NCKAP1: variants seen among roughly 807,000 people sequenced by gnomAD.
The protein encoded by NCKAP1 is NCK associated protein 1, also known as nck-associated protein 1.
A neutral mutation model predicts 151.2 loss-of-function variants in NCKAP1; 21 were observed. That is an observed-to-expected ratio of 0.14 (90% CI 0.10 to 0.20). The LOEUF (loss-of-function observed/expected upper bound fraction) is 0.20, where lower values mean the gene tolerates loss of function less well. NCKAP1 is among the 10% of genes least tolerant of loss of function. NCKAP1 has a pLI of 1.00. For missense variants in NCKAP1, 933 were observed against 1,352.1 expected (o/e 0.69, Z 4.86); for synonymous variants, 484 against 451.8 (o/e 1.07, Z -0.90).
In NCKAP1 at chr2:182,953,343, G is replaced by T; in HGVS notation, c.2154-12C>A. 6.3e-7 allele frequency: 1 copy of T among 1,575,188 alleles called. No homozygotes were observed. The highest frequency in any genetic ancestry group is 1.2e-5 in the South Asian group (1 of 86,754). ...TCCCAACAATTGACCTGGGAAGAAG[G>T]GATAGAAGAATAAGAAAAGCCTCTG... On this transcript the variant is annotated splice_polypyrimidine_tract_variant and intron_variant, in intron 20 of 30. Transcript: ENST00000361354.
intron 4 of NCKAP1, among the ~76,000 whole-genome samples, chr2:183,002,570 G>C (rs143864155): frequency 6.6e-6 from 1 of 151,754 alleles, no homozygotes; most frequent in African/African-American, 2.4e-5. Flanking sequence ...CCAATCTCAC[G>C]AAAGAGGAAA....
intron 15 of NCKAP1, among the ~76,000 whole-genome samples, chr2:182,968,568 C>G (rs1048749190): frequency 7.9e-5 from 12 of 152,124 alleles, no homozygotes; most frequent in African/African-American, 2.9e-4. Flanking sequence ...ATGCTTACAG[C>G]TGATGATAAA....
intron 2 of NCKAP1, among the ~76,000 whole-genome samples, chr2:183,010,952 T>A (rs1698580175): frequency 6.6e-6 from 1 of 152,202 alleles, no homozygotes; most frequent in Non-Finnish European, 1.5e-5. Context: ...CAGGCATAAA[T>A]CAAGCTTTTC....
At chr2:183,016,415 AAG>A (rs1304143156) in intron 2 of NCKAP1, among the ~76,000 whole-genome samples, 2 of 152,348 alleles carry the variant, frequency 1.3e-5, no homozygotes, top group South Asian at 2.1e-4. Flanking sequence ...TTACATGTCT[AAG>A]AGTCATTAAC....
At chr2:182,951,654 A>AC (rs1162699835) in intron 23 of NCKAP1, among the ~76,000 whole-genome samples, 3 of 147,328 alleles carry the variant, frequency 2.0e-5, no homozygotes, top group Non-Finnish European at 4.5e-5. Flanking sequence ...AAAAAAAAAC[A>AC]AACAAACAAA....
chr2:182,967,061 T>C (rs1347334823), intron 16 of NCKAP1, among the ~76,000 whole-genome samples, 155 bp downstream of exon 16: 1 of 152,250 alleles, frequency 6.6e-6, no homozygotes, highest in Non-Finnish European at 1.5e-5. Flanking sequence ...AACTTCTTTT[T>C]GTTGGCACAT....
chr2:182,959,194 A>G (rs529007406), intron 18 of NCKAP1, among the ~76,000 whole-genome samples: 7 of 152,320 alleles, frequency 4.6e-5, no homozygotes, highest in African/African-American at 1.4e-4. Flanking sequence ...AAGAAATTAC[A>G]TTGCATTTCT....
rs1696835811 is a variant in NCKAP1 at position 182,934,640 on chromosome 2, C to T, written c.2859+112G>A. 7.8e-6 allele frequency: 5 copies of T among 641,074 alleles called. No individual in the cohort carries two copies. The East Asian group carries it at 1.6e-4, about 20-fold the overall frequency. The allele number at this position is 641,074 out of a possible 1,614,324, so 39.7% of individuals were successfully genotyped here. A position where few individuals can be genotyped will look rare whatever the true frequency, so the allele number is the denominator to read the frequency against. On this transcript the variant is annotated intron_variant, in intron 26 of 30. Coordinates refer to ENST00000361354, the MANE Select transcript of NCKAP1 (RefSeq NM_013436.5). The stretch of plus-strand genomic sequence containing the variant: ...CAAAGGCAAGCATGCTAACTAACCA[C>T]TCTAAACTAGAAACCTTACAGTAGT...
intron 14 of NCKAP1, among the ~76,000 whole-genome samples, chr2:182,977,543 A>G (rs992863552): frequency 2.6e-5 from 4 of 152,090 alleles, no homozygotes; most frequent in African/African-American, 9.7e-5. Context: ...AAAGAAAGGA[A>G]ATTCTGACAC....
rs960134695 is a variant in NCKAP1 at position 182,919,472 on chromosome 2, G to A, written c.*6230C>T. ...ATCAATGACCATGTGACTAACGTAA[G>A]TTATGGTCATACCTAATTAGTATGA... is the stretch of plus-strand genomic sequence containing the variant. On this transcript the variant is annotated 3_prime_UTR_variant, in exon 31 of 31. Transcript: ENST00000361354. 1 of 152,190 alleles carries A rather than the reference G, an allele frequency of 6.6e-6. No homozygotes were observed. The highest frequency in any genetic ancestry group is 6.5e-5 in the Admixed American group (1 of 15,276). The allele number at this position is 152,190 out of a possible 1,614,324, so 9.4% of individuals were successfully genotyped here.
chr2:182,946,595 G>T (rs1697111559), intron 23 of NCKAP1, among the ~76,000 whole-genome samples: 1 of 149,488 alleles, frequency 6.7e-6, no homozygotes, highest in Non-Finnish European at 1.5e-5. Context: ...TAAAATAGAA[G>T]TTGGAAAGAA....
In NCKAP1 at chr2:182,995,716, T is replaced by C. The variant is rs1698255465; in HGVS notation, c.726A>G (p.Pro242=). 6.2e-7 allele frequency: 1 copy of C among 1,613,936 alleles called. No homozygotes were observed. Among genetic ancestry groups the C allele is most frequent in the Admixed American group, 1.7e-5 (1 of 60,000 alleles). Reference sequence around the variant, plus strand: ...AGAACCATACAGTGTCGGACTGTGCTGGATTAAGCATTGTACTAGGTGCAC... The same window carrying C: ...AGAACCATACAGTGTCGGACTGTGCCGGATTAAGCATTGTACTAGGTGCAC... ...LISAPSTMLN[P]AQSDTMPCEY... is the part of the protein sequence containing the mutation. Residue 242 remains proline (P), a synonymous_variant, in exon 7 of 31, where the codon CCA becomes CCG. Transcript: ENST00000361354.
At chr2:183,032,834 C>T (rs1226682256) in intron 1 of NCKAP1, among the ~76,000 whole-genome samples, 1 of 152,010 alleles carries the variant, frequency 6.6e-6, no homozygotes, top group East Asian at 1.9e-4. Context: ...ATTGCTCGAC[C>T]CCAGGAGACA....
intron 7 of NCKAP1, 73 bp from the exon 8 acceptor site, chr2:182,994,960 C>T: frequency 8.4e-7 from 1 of 1,196,904 alleles, no homozygotes; most frequent in Non-Finnish European, 1.2e-6. Context: ...CCACTCTCCT[C>T]CCTTTCTCCT....
At chr2:182,986,782 T>A (rs887506085) in intron 9 of NCKAP1, among the ~76,000 whole-genome samples, 6 of 152,232 alleles carry the variant, frequency 3.9e-5, no homozygotes, top group South Asian at 4.2e-4. Context: ...TGTATTTTTT[T>A]AAAAAAACTT....
chr2:182,983,884 A>G (rs1194938280), intron 10 of NCKAP1, among the ~76,000 whole-genome samples: 2 of 151,910 alleles, frequency 1.3e-5, no homozygotes, highest in Admixed American at 6.6e-5. Flanking sequence ...AATACAAAAC[A>G]TTAGCCAGGT....
At chr2:182,934,095 A>C (rs1301942747) in intron 26 of NCKAP1, among the ~76,000 whole-genome samples, 1 of 152,038 alleles carries the variant, frequency 6.6e-6, no homozygotes, top group African/African-American at 2.4e-5. Flanking sequence ...TCTTAAACTT[A>C]TTGAATTTCA....
intron 18 of NCKAP1, among the ~76,000 whole-genome samples, chr2:182,959,596 TAAC>T (rs1275632840): frequency 2.6e-5 from 4 of 152,076 alleles, no homozygotes; most frequent in African/African-American, 9.7e-5. Context: ...CTCAAAATAA[TAAC>T]AGCCATCTAT....
intron 24 of NCKAP1, among the ~76,000 whole-genome samples, chr2:182,939,813 G>A (rs1371801755): frequency 6.6e-6 from 1 of 152,108 alleles, no homozygotes; most frequent in African/African-American, 2.4e-5. Flanking sequence ...ACTCTCAAGT[G>A]AATCGTTTCT....
Sources: allele counts gnomAD v4.1 joint callset (sites outside exome capture counted in the v4.1 genomes callset), GRCh38; gene constraint gnomAD v4.1.1; transcripts MANE v1.5; gene names NCBI Gene and HGNC (gene_info 2026-07-23, HGNC 2026-07-21).